ASRGL1: variants seen among roughly 807,000 people sequenced by gnomAD.
ASRGL1 encodes the protein isoaspartyl peptidase/L-asparaginase.
ASRGL1 carries 16 observed loss-of-function variants against 22.4 expected under a neutral mutation model. The observed-to-expected ratio is 0.71, with a 90% CI of 0.48 to 1.08. The LOEUF (loss-of-function observed/expected upper bound fraction) is 1.08, where lower values mean the gene tolerates loss of function less well. Among genes scored for constraint, ASRGL1 ranks in the 50% least tolerant of loss-of-function variants. The pLI, the probability that ASRGL1 is intolerant of heterozygous loss-of-function variation, is 0.00. For synonymous variants in ASRGL1, 165 were observed against 159.3 expected, an observed-to-expected ratio of 1.04 and a Z score of -0.27; for missense variants, 412 against 410.1, an observed-to-expected ratio of 1.00 and a Z score of -0.04.
chr11:62,356,300 C>G (rs991669343), intron 2 of ASRGL1, 25 bp from the exon 3 acceptor site: 1 of 1,611,410 alleles, frequency 6.2e-7, no homozygotes, highest in African/African-American at 1.3e-5. Context: ...TTAATTCTTG[C>G]TTTTCAACTT....
chr11:62,338,809 G>T (rs999546061), intron 2 of ASRGL1, among the ~76,000 whole-genome samples: 2 of 151,656 alleles, frequency 1.3e-5, no homozygotes, highest in Non-Finnish European at 1.5e-5. Context: ...GCCAGGCGTG[G>T]TGCTAGGAGC....
At chr11:62,386,893 A>ATT (rs34472338) in intron 4 of ASRGL1, among the ~76,000 whole-genome samples, 8 of 143,878 alleles carry the variant, frequency 5.6e-5, no homozygotes, top group African/African-American at 7.7e-5. Context: ...GGAAAGAATG[A>ATT]TTTTTTTTTT....
intron 2 of ASRGL1, among the ~76,000 whole-genome samples, chr11:62,348,883 AG>A (rs1946100707): frequency 1.3e-5 from 2 of 152,244 alleles, no homozygotes. Flanking sequence ...TGGTACCCAA[AG>A]GAATGGTTGG....
rs1946636178 is a variant in ASRGL1, at chr11:62,367,339, A to C, written c.491+10195A>C. 2.7e-5 allele frequency among the ~76,000 whole-genome samples: 4 copies of C among 146,772 alleles called. 1 individual carries two copies. The South Asian group carries it at 8.6e-4, about 32-fold the overall frequency. ...GGCGACAGAGTGAAACTCTGTCTCA[A>C]AAAAAAAAAAGAGAGAGATTTTAGG... On this transcript the variant is annotated intron_variant, in intron 4 of 6. Transcript: ENST00000415229.
At chr11:62,355,468 C>G (rs1946261260) in intron 2 of ASRGL1, among the ~76,000 whole-genome samples, 2 of 144,632 alleles carry the variant, frequency 1.4e-5, no homozygotes, top group South Asian at 4.5e-4. Context: ...TCATGATCTG[C>G]CCGCCTCGGC....
intron 4 of ASRGL1, 133 bp from the exon 5 acceptor site, chr11:62,389,000 T>C: frequency 1.3e-6 from 1 of 781,920 alleles, no homozygotes; most frequent in Non-Finnish European, 2.1e-6. Flanking sequence ...AGGTTCTTTC[T>C]AGAATGTTGG....
At chr11:62,394,340 T>C (rs1947406217), downstream of ASRGL1, among the ~76,000 whole-genome samples, 1 of 141,554 alleles carries the variant, frequency 7.1e-6, no homozygotes, top group African/African-American at 2.6e-5. Flanking sequence ...TAATTTATAA[T>C]ATATATTATA....
Position 62,392,553 on chromosome 11 carries a change from A to G in ASRGL1, c.*269A>G. Reference sequence around the variant, plus strand: ...CACTGCACTCCAGCCTGGGCAACAGAGCCAGGCCCTGTATCAAAAAAAAAA... The same window carrying G: ...CACTGCACTCCAGCCTGGGCAACAGGGCCAGGCCCTGTATCAAAAAAAAAA... On this transcript the variant is annotated 3_prime_UTR_variant, in exon 7 of 7. Coordinates refer to ENST00000415229, the MANE Select transcript of ASRGL1 (RefSeq NM_001083926.2). 1 of 458,978 alleles carries G rather than the reference A, an allele frequency of 2.2e-6. No homozygotes were observed. The highest frequency in any genetic ancestry group is 3.9e-6 in the Non-Finnish European group (1 of 256,170). 28.4% of individuals were successfully genotyped at this position (458,978 alleles called of 1,614,324 possible). A position where few individuals can be genotyped will look rare whatever the true frequency, so the allele number is the denominator to read the frequency against.
At chr11:62,367,933 C>T (rs987655296) in intron 4 of ASRGL1, among the ~76,000 whole-genome samples, 12 of 152,176 alleles carry the variant, frequency 7.9e-5, no homozygotes, top group Admixed American at 2.6e-4. Context: ...CAGAGCGAGA[C>T]TCCGTCTCAA....
intron 4 of ASRGL1, among the ~76,000 whole-genome samples, chr11:62,383,418 A>C (rs1351037750): frequency 6.6e-6 from 1 of 150,392 alleles, no homozygotes; most frequent in East Asian, 2.0e-4. Flanking sequence ...CCCGGCTAAA[A>C]CGGTGAAACC....
At chr11:62,394,317 GATATATA>G (rs1201123992), downstream of ASRGL1, among the ~76,000 whole-genome samples, 11 of 134,966 alleles carry the variant, frequency 8.2e-5, no homozygotes, top group South Asian at 4.5e-4. Context: ...AAAAATATAT[GATATATA>G]ATTTATAATT....
At chr11:62,357,260 T>TTTTGTTTTGTTTTGC in intron 4 of ASRGL1, 116 bp downstream of exon 4, 2 of 1,257,396 alleles carry the variant, frequency 1.6e-6, no homozygotes. Context: ...TTTTGTTTTG[T>TTTTGTTTTGTTTTGC]TTTGTTTGAC....
chr11:62,392,086 G>T lies in ASRGL1; in HGVS notation c.729G>T (p.Thr243=). ...ACCCTTCCTTGTTTTCAGGAAAGACGGTAGAAGAGGCTGCGGACCTATCGT... is the reference window on the plus strand; with the variant it reads ...ACCCTTCCTTGTTTTCAGGAAAGACTGTAGAAGAGGCTGCGGACCTATCGT... The part of the protein sequence containing the change: ...LTLFHIEQGK[T]VEEAADLSLG... The change falls in exon 7 of 7, where the codon ACG becomes ACT. Residue 243 remains threonine (T), a synonymous_variant. Transcript: ENST00000415229. 6.2e-7 allele frequency: 1 copy of T among 1,614,154 alleles called. No individual in the cohort carries two copies. Among genetic ancestry groups the T allele is most frequent in the Non-Finnish European group, 8.5e-7 (1 of 1,180,000 alleles).
At chr11:62,386,330 G>A (rs943918703) in intron 4 of ASRGL1, among the ~76,000 whole-genome samples, 6 of 140,066 alleles carry the variant, frequency 4.3e-5, no homozygotes, top group Non-Finnish European at 9.7e-5. Flanking sequence ...GCGGTCTGAT[G>A]TTTTGAGAAA....
chr11:62,391,799 G>T, intron 6 of ASRGL1, 167 bp downstream of exon 6: 1 of 895,832 alleles, frequency 1.1e-6, no homozygotes, highest in South Asian at 1.8e-5. Context: ...CCTTAGGTCT[G>T]GAATGGTAGA....
At chr11:62,391,838 C>T in intron 6 of ASRGL1, 4 of 746,556 alleles carry the variant, frequency 5.4e-6, no homozygotes, top group Non-Finnish European at 8.5e-6. Flanking sequence ...TTCCACATCT[C>T]AGGAGAAGGG....
intron 4 of ASRGL1, among the ~76,000 whole-genome samples, chr11:62,373,791 TCCCCC>T (rs1946839667): frequency 1.3e-5 from 2 of 152,204 alleles, no homozygotes; most frequent in African/African-American, 4.8e-5. Context: ...ATCAGCTGTG[TCCCCC>T]CTGGTGGGGG....
At chr11:62,371,272 G>C in intron 4 of ASRGL1, 1 of 1,343,758 alleles carries the variant, frequency 7.4e-7, no homozygotes, top group African/African-American at 1.6e-5. Flanking sequence ...TAGCAGCAGT[G>C]GTGGCAGCAG....
At chr11:62,397,939 T>A (rs764537342), downstream of ASRGL1, among the ~76,000 whole-genome samples, 2 of 152,098 alleles carry the variant, frequency 1.3e-5, no homozygotes, top group South Asian at 4.1e-4. Flanking sequence ...ATCCAGCACC[T>A]TTCTTACTGG....
Sources: allele counts gnomAD v4.1 joint callset (sites outside exome capture counted in the v4.1 genomes callset), GRCh38; gene constraint gnomAD v4.1.1; transcripts MANE v1.5; gene names NCBI Gene and HGNC (gene_info 2026-07-23, HGNC 2026-07-21).